The following BRMS1L variants were observed in gnomAD, a reference collection of about 807,000 sequenced individuals.
BRMS1L encodes the protein breast cancer metastasis-suppressor 1-like protein.
A neutral mutation model predicts 50.3 loss-of-function variants in BRMS1L; 23 were observed. The ratio of observed to expected loss-of-function variants is 0.46; its 90% CI spans 0.33 to 0.65. The LOEUF (loss-of-function observed/expected upper bound fraction) is 0.65. Ranked by LOEUF, BRMS1L falls within the 30% of genes least tolerant of loss-of-function variation. BRMS1L has a pLI of 0.02. For synonymous variants in BRMS1L, 114 were observed against 126.9 expected (o/e 0.90, Z 0.69); for missense variants, 286 against 386.1 (o/e 0.74, Z 2.17).
chr14:35,848,379 C>G (rs12895148), intron 4 of BRMS1L, among the ~76,000 whole-genome samples: 29,534 of 151,792 alleles, frequency 0.19, 3,004 homozygotes, highest in East Asian at 0.35. Context: ...GAGTCTTTCT[C>G]TGTTGCTATG....
intron 2 of BRMS1L, among the ~76,000 whole-genome samples, chr14:35,832,752 G>A (rs1266389248): frequency 6.6e-6 from 1 of 151,990 alleles, no homozygotes; most frequent in Non-Finnish European, 1.5e-5. Flanking sequence ...TTATTTTTTT[G>A]TATTGGGAAT....
intron 4 of BRMS1L, among the ~76,000 whole-genome samples, chr14:35,860,146 T>C (rs1413997286): frequency 6.6e-6 from 1 of 152,312 alleles, no homozygotes; most frequent in East Asian, 1.9e-4. Context: ...TTCTTTTTTT[T>C]TGAGACAGAG....
intron 4 of BRMS1L, among the ~76,000 whole-genome samples, chr14:35,837,511 T>C (rs1159674924): frequency 6.6e-6 from 1 of 152,178 alleles, no homozygotes; most frequent in Non-Finnish European, 1.5e-5. Flanking sequence ...GTCTAGTAAG[T>C]CTTGATAACT....
chr14:35,826,448 G>GC lies in BRMS1L; in HGVS notation c.-68dup, dbSNP rs2077843367. On this transcript the variant is annotated 5_prime_UTR_variant, in exon 1 of 10. Transcript: ENST00000216807. ...GGCTGGGTGGGTTGGGGCGTTCCGCGCGCCCTTCATTGAAGCGGCGGTGGC... is the reference window on the plus strand; with the variant it reads ...GGCTGGGTGGGTTGGGGCGTTCCGCGCCGCCCTTCATTGAAGCGGCGGTGGC... 6.5e-7 allele frequency: 1 copy of GC among 1,545,344 alleles called. No individual in the cohort carries two copies. Among genetic ancestry groups the GC allele is most frequent in the Non-Finnish European group, 8.7e-7 (1 of 1,145,654 alleles).
At chr14:35,841,548 T>C (rs10139975) in intron 4 of BRMS1L, among the ~76,000 whole-genome samples, 30,091 of 152,068 alleles carry the variant, frequency 0.2, 3,143 homozygotes, top group East Asian at 0.35. Flanking sequence ...CTGCCCGCCT[T>C]GGCCTCCCAA....
chr14:35,837,767 C>G (rs1430136960), intron 4 of BRMS1L, among the ~76,000 whole-genome samples: 1 of 152,136 alleles, frequency 6.6e-6, no homozygotes, highest in Non-Finnish European at 1.5e-5. Context: ...GTTGGCCAAG[C>G]TGCTGTCGAA....
intron 1 of BRMS1L, among the ~76,000 whole-genome samples, chr14:35,829,123 G>A (rs937456228): frequency 1.3e-5 from 2 of 151,404 alleles, no homozygotes; most frequent in African/African-American, 2.4e-5. Flanking sequence ...TGTGTTTTTA[G>A]TAGAGATGGG....
intron 1 of BRMS1L, chr14:35,826,877 T>C (rs1457812562): frequency 1.6e-6 from 1 of 614,984 alleles, no homozygotes; most frequent in Non-Finnish European, 2.6e-6. Flanking sequence ...CCTGGGCTTG[T>C]CCAGCTCCCA....
At chr14:35,869,854 TAAAC>T (rs2078466347) in intron 9 of BRMS1L, among the ~76,000 whole-genome samples, 1 of 151,168 alleles carries the variant, frequency 6.6e-6, no homozygotes, top group African/African-American at 2.4e-5. Context: ...TCAAAATAAA[TAAAC>T]AAAAAATAAA....
At chr14:35,841,621 A>G (rs1390837575) in intron 4 of BRMS1L, among the ~76,000 whole-genome samples, 1 of 152,168 alleles carries the variant, frequency 6.6e-6, no homozygotes, top group East Asian at 1.9e-4. Context: ...TATAATAAGT[A>G]TGATGTAGTG....
In BRMS1L at chr14:35,863,913, T is replaced by C. The variant is rs115324895; in HGVS notation, c.582T>C (p.Asp194=). 8.1e-5 allele frequency: 131 copies of C among 1,614,012 alleles called. No individual in the cohort carries two copies. The African/African-American group carries it at 1.7e-3, about 20-fold the overall frequency. Residue 194 remains aspartate (D), a synonymous_variant, in exon 6 of 10, where the codon GAT becomes GAC. Transcript: ENST00000216807. ...DELQSRKKRK[D]PFSPDKKKPV... Reference sequence around the variant, plus strand: ...TTCAGTCAAGAAAAAAGAGGAAGGATCCTTTCAGTCCTGACAAAAAGAAGC... The same window carrying C: ...TTCAGTCAAGAAAAAAGAGGAAGGACCCTTTCAGTCCTGACAAAAAGAAGC...
intron 9 of BRMS1L, among the ~76,000 whole-genome samples, chr14:35,868,249 A>G (rs1028692480): frequency 1.3e-5 from 2 of 152,224 alleles, no homozygotes; most frequent in Admixed American, 6.5e-5. Flanking sequence ...CTTTAATGCA[A>G]GTAGAAATGT....
In BRMS1L at chr14:35,826,365, T is replaced by G; in HGVS notation, c.-152T>G. On this transcript the variant is annotated 5_prime_UTR_variant, in exon 1 of 10. Transcript: ENST00000216807. ...AGCTCCCATCGCAGAGCCTGCGGGT[T>G]AGGTTGTGAGGCCCGGGCCGGGGGC... is the stretch of plus-strand genomic sequence containing the variant. 48 of 1,098,022 alleles carry G rather than the reference T, an allele frequency of 4.4e-5. No homozygotes were observed. Among genetic ancestry groups the G allele is most frequent in the Non-Finnish European group, 6.1e-5 (47 of 773,500 alleles). The allele number at this position is 1,098,022 out of a possible 1,614,324, so 68.0% of individuals were successfully genotyped here.
At chr14:35,854,654 A>G (rs1245385324) in intron 4 of BRMS1L, among the ~76,000 whole-genome samples, 1 of 152,138 alleles carries the variant, frequency 6.6e-6, no homozygotes, top group Non-Finnish European at 1.5e-5. Context: ...TTATTCAGCA[A>G]ATTATTATCT....
chr14:35,846,989 A>G (rs2078144014), intron 4 of BRMS1L, among the ~76,000 whole-genome samples: 1 of 152,032 alleles, frequency 6.6e-6, no homozygotes, highest in African/African-American at 2.4e-5. Flanking sequence ...ACACAAAAAA[A>G]TAAAACGCAG....
chr14:35,844,342 C>T (rs1482117348), intron 4 of BRMS1L, among the ~76,000 whole-genome samples: 1 of 152,160 alleles, frequency 6.6e-6, no homozygotes, highest in African/African-American at 2.4e-5. Flanking sequence ...ATCTCCTGGT[C>T]TGTGGGTTGT....
intron 4 of BRMS1L, among the ~76,000 whole-genome samples, chr14:35,846,541 A>T (rs1164477114): frequency 6.6e-6 from 1 of 152,204 alleles, no homozygotes; most frequent in African/African-American, 2.4e-5. Context: ...TGAAAATTTC[A>T]GGCCAGTTAT....
intron 5 of BRMS1L, among the ~76,000 whole-genome samples, chr14:35,863,557 C>T (rs981915222): frequency 6.6e-6 from 1 of 152,136 alleles, no homozygotes; most frequent in Non-Finnish European, 1.5e-5. Context: ...AATAAGAATA[C>T]CTACCTCAGT....
chr14:35,833,162 A>G (rs776265731), intron 3 of BRMS1L, 57 bp downstream of exon 3: 18 of 1,516,988 alleles, frequency 1.2e-5, no homozygotes, highest in Non-Finnish European at 1.5e-5. Flanking sequence ...AGTAGCTTTA[A>G]AAGGTGTTTA....
Sources: gnomAD v4.1 joint callset for allele counts (sites outside exome capture counted in the v4.1 genomes callset) on GRCh38, gnomAD v4.1.1 for gene constraint, MANE v1.5 for transcripts, NCBI Gene and HGNC (gene_info 2026-07-23, HGNC 2026-07-21) for gene names.